The following METTL16 variants were observed in gnomAD, a reference collection of about 807,000 sequenced individuals.
The protein encoded by METTL16 is RNA N(6)-adenosine-methyltransferase METTL16.
In METTL16, 19 loss-of-function variants were observed where a neutral mutation model predicts 57.9. The observed-to-expected ratio is 0.33, with a 90% CI of 0.23 to 0.48. METTL16 has a LOEUF of 0.48. Ranked by LOEUF, METTL16 falls within the 20% of genes least tolerant of loss-of-function variation. METTL16 has a pLI of 0.99. For synonymous variants in METTL16, 246 were observed against 255.6 expected (o/e 0.96, Z 0.36); for missense variants, 434 against 691.5 (o/e 0.63, Z 4.18).
chr17:2,504,557 CTTGTT>C (rs1460641621), intron 1 of METTL16, among the ~76,000 whole-genome samples: 3 of 151,746 alleles, frequency 2.0e-5, no homozygotes, highest in Non-Finnish European at 4.4e-5. Flanking sequence ...TTTGTTTTGT[CTTGTT>C]TTGTTTGTTC....
intron 1 of METTL16, among the ~76,000 whole-genome samples, chr17:2,503,339 A>G (rs1254069245): frequency 6.6e-6 from 1 of 152,184 alleles, no homozygotes; most frequent in Non-Finnish European, 1.5e-5. Flanking sequence ...ATATGAAAAT[A>G]CGGTATATCC....
Position 2,464,359 on chromosome 17 carries a change from C to T in METTL16, c.586-9G>A, listed in dbSNP as rs1246682889. The stretch of plus-strand genomic sequence containing the variant: ...TTTCGTGAGTTTACTCCCTGAAAAA[C>T]AACAAAAAACCCTGGTGAAAAATGT... On this transcript the variant is annotated splice_polypyrimidine_tract_variant and intron_variant, in intron 5 of 9. Coordinates refer to ENST00000263092, the MANE Select transcript of METTL16 (RefSeq NM_024086.4). 1.1e-5 allele frequency: 17 copies of T among 1,584,780 alleles called. No homozygotes were observed. The highest frequency in any genetic ancestry group is 1.4e-5 in the Non-Finnish European group (16 of 1,170,856).
intron 8 of METTL16, among the ~76,000 whole-genome samples, chr17:2,424,705 T>C (rs992224055): frequency 6.6e-6 from 1 of 152,002 alleles, no homozygotes; most frequent in African/African-American, 2.4e-5. Flanking sequence ...TCCCAGCATT[T>C]TGGGAGGCTG....
intron 6 of METTL16, among the ~76,000 whole-genome samples, chr17:2,458,820 T>C (rs576921849): frequency 6.6e-6 from 1 of 151,998 alleles, no homozygotes; most frequent in South Asian, 2.1e-4. Context: ...TTTTTTTTCT[T>C]TTTTGAGATA....
chr17:2,473,752 G>A, intron 3 of METTL16, 88 bp from the exon 4 acceptor site: 1 of 1,393,620 alleles, frequency 7.2e-7, no homozygotes, highest in Non-Finnish European at 9.8e-7. Flanking sequence ...TCAGAATTCT[G>A]TTTGCAGACA....
intron 2 of METTL16, among the ~76,000 whole-genome samples, chr17:2,501,857 CAAAA>C (rs71889986): frequency 2.0e-5 from 2 of 100,376 alleles, no homozygotes; most frequent in Admixed American, 9.2e-5. Flanking sequence ...GACTTTGTCT[CAAAA>C]AAAAAAAAAA....
chr17:2,495,373 A>T (rs528101032), intron 2 of METTL16, among the ~76,000 whole-genome samples: 1 of 152,068 alleles, frequency 6.6e-6, no homozygotes, highest in African/African-American at 2.4e-5. Context: ...TGATGAGAGG[A>T]GGTCATTATC....
At chr17:2,477,587 T>G (rs2067277053) in intron 3 of METTL16, 99 bp downstream of exon 3, 2 of 885,912 alleles carry the variant, frequency 2.3e-6, no homozygotes, top group African/African-American at 3.4e-5. Flanking sequence ...CAGCTTCTTT[T>G]GTACAACAAC....
chr17:2,485,880 A>AC (rs879793876), intron 2 of METTL16, among the ~76,000 whole-genome samples: 122 of 151,946 alleles, frequency 8.0e-4, no homozygotes, highest in Non-Finnish European at 1.5e-3. Context: ...GATACTACTG[A>AC]CCCCCCCTAA....
At position 2,485,872 on chromosome 17, in the gene METTL16, T is replaced by C. The variant is rs78795147; in HGVS notation, c.129-7987A>G. Among the ~76,000 whole-genome samples, 293 of 152,268 alleles carry C rather than the reference T, an allele frequency of 1.9e-3. 1 individual carries two copies. Among genetic ancestry groups the C allele is most frequent in the African/African-American group, 6.8e-3 (281 of 41,538 alleles). On this transcript the variant is annotated intron_variant, in intron 2 of 9. Transcript: ENST00000263092. The stretch of plus-strand genomic sequence containing the variant: ...GATGCTATAAAAGACAGGTAAAAGA[T>C]ACTACTGACCCCCCCTAATTAGTGG...
intron 8 of METTL16, among the ~76,000 whole-genome samples, chr17:2,429,063 G>C (rs567671317): frequency 1.9e-3 from 293 of 151,978 alleles, no homozygotes; most frequent in African/African-American, 6.8e-3. Flanking sequence ...TCTCCATGTT[G>C]GTTGGGCTGG....
intron 1 of METTL16, among the ~76,000 whole-genome samples, chr17:2,511,092 G>A (rs2067583758): frequency 6.6e-6 from 1 of 151,750 alleles, no homozygotes; most frequent in East Asian, 1.9e-4. Flanking sequence ...CTGGACCACC[G>A]ACACAAAGCA....
intron 2 of METTL16, among the ~76,000 whole-genome samples, chr17:2,484,395 A>C (rs551627110): frequency 3.3e-5 from 5 of 152,348 alleles, no homozygotes; most frequent in Non-Finnish European, 5.9e-5. Context: ...GTGGACAGTA[A>C]CAAATAGTCT....
At position 2,420,287 on chromosome 17, in the gene METTL16, C is replaced by A; in HGVS notation, c.1372G>T (p.Glu458Ter). Reference protein sequence around the residue: ...CPSQESLSQEENPEPTEDERS... With the variant: ...CPSQESLSQE ...TCATCCTCCGTGGGTTCCGGGTTTT[C>A]CTCCTGGGACAGGGACTCCTGGCTC... The change falls in exon 10 of 10, where the codon GAA becomes TAA. Residue 458 changes from glutamate to a stop codon, truncating the protein, a stop_gained. Coordinates refer to ENST00000263092, the MANE Select transcript of METTL16 (RefSeq NM_024086.4). LOFTEE classifies it high-confidence loss of function. The surrounding 1 kb of genome is among the most constrained non-coding windows in gnomAD (Gnocchi z 5.4). 6.2e-7 allele frequency: 1 copy of A among 1,613,418 alleles called. No individual in the cohort carries two copies. The highest frequency in any genetic ancestry group is 1.7e-5 in the Admixed American group (1 of 60,032).
chr17:2,505,167 T>G (rs977884568), intron 1 of METTL16, among the ~76,000 whole-genome samples: 1 of 151,850 alleles, frequency 6.6e-6, no homozygotes, highest in Non-Finnish European at 1.5e-5. Flanking sequence ...ATTATATATA[T>G]ATATATCTCT....
chr17:2,448,794 A>T (rs1260715982), intron 6 of METTL16, among the ~76,000 whole-genome samples: 30 of 90,958 alleles, frequency 3.3e-4, no homozygotes, highest in Non-Finnish European at 4.9e-4. Context: ...AAAAATAAAA[A>T]TAAAATTTAA....
chr17:2,428,602 T>TATATATATATATATATAA (rs376112549), intron 8 of METTL16, among the ~76,000 whole-genome samples: 2 of 94,976 alleles, frequency 2.1e-5, no homozygotes, highest in African/African-American at 9.3e-5. Context: ...TATATATATA[T>TATATATATATATATATAA]AAATTGTAAT....
chr17:2,459,678 T>C (rs1404355108), intron 6 of METTL16, among the ~76,000 whole-genome samples: 1 of 152,180 alleles, frequency 6.6e-6, no homozygotes, highest in African/African-American at 2.4e-5. Flanking sequence ...AGTCACACGG[T>C]TGTATAAACA....
intron 6 of METTL16, among the ~76,000 whole-genome samples, chr17:2,449,275 A>G (rs2067050951): frequency 6.6e-6 from 1 of 152,188 alleles, no homozygotes; most frequent in South Asian, 2.1e-4. Context: ...TTCCAACTTG[A>G]CCTATAAATT....
Sources: gnomAD v4.1 joint callset for allele counts (sites outside exome capture counted in the v4.1 genomes callset) on GRCh38, gnomAD v4.1.1 for gene constraint, Gnocchi (gnomAD v3.1) non-coding constraint, MANE v1.5 for transcripts, NCBI Gene and HGNC (gene_info 2026-07-23, HGNC 2026-07-21) for gene names.